Variants in WDR48 observed in about 807,000 individuals in gnomAD.
WDR48 encodes the protein WD repeat-containing protein 48.
WDR48 carries 22 observed loss-of-function variants against 94.0 expected under a neutral mutation model. That is an observed-to-expected ratio of 0.23 (90% CI 0.17 to 0.33). The LOEUF (loss-of-function observed/expected upper bound fraction) is 0.33. Ranked by LOEUF, WDR48 falls within the 10% of genes least tolerant of loss-of-function variation. WDR48 has a pLI of 1.00. For synonymous variants in WDR48, 278 were observed against 280.5 expected (o/e 0.99, Z 0.09); for missense variants, 541 against 813.8 (o/e 0.66, Z 4.08).
chr3:39,072,707 A>G lies in WDR48; in HGVS notation c.673-2019A>G, dbSNP rs147877354. On this transcript the variant is annotated intron_variant, in intron 7 of 18. Transcript: ENST00000302313. ...ATAATGAACATCTTCATGTTTATCT[A>G]TGTTTTTCTAGTGGAAGGATGGAGG... Among the ~76,000 whole-genome samples the G allele has an allele frequency of 1.6e-4, 24 of 152,268 alleles. No homozygotes were observed. In the East Asian group the frequency reaches 3.7e-3, roughly 23 times the overall value.
chr3:39,082,062 T>C (rs577200957), intron 11 of WDR48, among the ~76,000 whole-genome samples: 2 of 152,294 alleles, frequency 1.3e-5, no homozygotes, highest in African/African-American at 4.8e-5. Context: ...CTACGGAATA[T>C]GCTAGGGAAC....
At chr3:39,079,425 C>T (rs1243137446) in intron 10 of WDR48, among the ~76,000 whole-genome samples, 4 of 152,136 alleles carry the variant, frequency 2.6e-5, no homozygotes, top group African/African-American at 9.7e-5. Flanking sequence ...AGCTGTTGTC[C>T]CTCAACAATT....
Position 39,066,558 on chromosome 3 carries a change from T to G in WDR48, c.279T>G (p.Ala93=). Residue 93 remains alanine, a synonymous_variant, in exon 4 of 19, where the codon GCT becomes GCG. Coordinates refer to ENST00000302313, the MANE Select transcript of WDR48 (RefSeq NM_020839.4). ...CTTTGCTTCTTCTAGTAATATCTGC[T>G]TCTTCTGACACGACAGTAAAAGTAT... ...LCCNGKTLIS[A]SSDTTVKVWN... 1 of 1,613,698 alleles carries G rather than the reference T, an allele frequency of 6.2e-7. No individual in the cohort carries two copies. The highest frequency in any genetic ancestry group is 8.5e-7 in the Non-Finnish European group (1 of 1,179,852).
intron 1 of WDR48, among the ~76,000 whole-genome samples, chr3:39,054,364 G>T (rs35795531): frequency 0.14 from 21,535 of 152,096 alleles, 1,766 homozygotes; most frequent in African/African-American, 0.22. Flanking sequence ...CATCATCCCT[G>T]GCTTCTACCA....
intron 17 of WDR48, among the ~76,000 whole-genome samples, chr3:39,092,479 C>T (rs939105319): frequency 6.6e-6 from 1 of 152,128 alleles, no homozygotes; most frequent in Admixed American, 6.5e-5. Context: ...ACCCATGCAC[C>T]TGCAGCATGG....
At chr3:39,088,438 T>C (rs2034924073) in intron 15 of WDR48, among the ~76,000 whole-genome samples, 1 of 152,216 alleles carries the variant, frequency 6.6e-6, no homozygotes, top group Non-Finnish European at 1.5e-5. Flanking sequence ...GAAACTCTAG[T>C]GTTCGAATGA....
At chr3:39,060,419 C>CATATATATAT (rs200990149) in intron 1 of WDR48, among the ~76,000 whole-genome samples, 6 of 147,846 alleles carry the variant, frequency 4.1e-5, no homozygotes, top group African/African-American at 9.9e-5. Flanking sequence ...TGTGTGTGTG[C>CATATATATAT]ATATATATAT....
chr3:39,074,662 G>T, intron 7 of WDR48, 64 bp from the exon 8 acceptor site: 1 of 1,530,382 alleles, frequency 6.5e-7, no homozygotes, highest in Non-Finnish European at 9.0e-7. Flanking sequence ...GAGAAGTCAA[G>T]TGCAAAGCAC....
At chr3:39,060,088 A>G (rs2033156784) in intron 1 of WDR48, among the ~76,000 whole-genome samples, 1 of 152,194 alleles carries the variant, frequency 6.6e-6, no homozygotes, top group African/African-American at 2.4e-5. Flanking sequence ...ACATTGTGAT[A>G]AAATTCACAT....
chr3:39,088,265 G>C lies in WDR48; in HGVS notation c.1580+32G>C, dbSNP rs1349777323. The C allele has an allele frequency of 1.9e-6, 3 of 1,601,120 alleles. No individual in the cohort carries two copies. In the African/African-American group the frequency reaches 4.0e-5, roughly 21 times the overall value. ...GTAAGAAAGACAAGAGGTTCTGCCTGAGAAGGTATCCCATTTGCTAAGAAG... is the reference window on the plus strand; with the variant it reads ...GTAAGAAAGACAAGAGGTTCTGCCTCAGAAGGTATCCCATTTGCTAAGAAG... On this transcript the variant is annotated intron_variant, in intron 15 of 18. Coordinates refer to ENST00000302313, the MANE Select transcript of WDR48 (RefSeq NM_020839.4).
rs1305594888 is a variant in WDR48 at position 39,084,752 on chromosome 3, G to A, written c.1378+11G>A. The A allele has an allele frequency of 1.9e-6, 3 of 1,609,130 alleles. No individual in the cohort carries two copies. The highest frequency in any genetic ancestry group is 4.5e-5 in the East Asian group (2 of 44,790). On this transcript the variant is annotated intron_variant, in intron 13 of 18. Coordinates refer to ENST00000302313, the MANE Select transcript of WDR48 (RefSeq NM_020839.4). ...GGTCAGATCCAAAATGTGAGTTTAA[G>A]TGTCCTTCATTTTTTTCCTCCCTTC...
At chr3:39,053,137 C>T (rs779702150) in intron 1 of WDR48, among the ~76,000 whole-genome samples, 1 of 152,204 alleles carries the variant, frequency 6.6e-6, no homozygotes, top group Non-Finnish European at 1.5e-5. Flanking sequence ...CAGTTTGGTG[C>T]ATTTATTCAT....
chr3:39,079,475 CATA>C (rs1165596690), intron 10 of WDR48, among the ~76,000 whole-genome samples: 1 of 152,058 alleles, frequency 6.6e-6, no homozygotes, highest in African/African-American at 2.4e-5. Flanking sequence ...CCCTTTAATC[CATA>C]ATGTATTATT....
At chr3:39,069,979 T>C (rs1041792767) in intron 7 of WDR48, among the ~76,000 whole-genome samples, 2 of 152,246 alleles carry the variant, frequency 1.3e-5, no homozygotes, top group African/African-American at 2.4e-5. Flanking sequence ...GATGAGTATA[T>C]GCATTTATGG....
intron 11 of WDR48, among the ~76,000 whole-genome samples, chr3:39,082,251 T>C (rs2034573974): frequency 6.6e-6 from 1 of 151,598 alleles, no homozygotes. Context: ...ATTAGGAAAA[T>C]ATTTAGGCCT....
chr3:39,066,778 T>C lies in WDR48; in HGVS notation c.384T>C (p.Asp128=). ...TAAAGGCCTTAGCATATGCCAAGGA[T>C]AAAGAACTAGTAGCATCAGCTGGGT... ...DYVKALAYAK[D]KELVASAGLD... is the part of the protein sequence containing the mutation. The change falls in exon 5 of 19, where the codon GAT becomes GAC. Residue 128 remains aspartate, a synonymous_variant. Coordinates refer to ENST00000302313, the MANE Select transcript of WDR48 (RefSeq NM_020839.4). 6.2e-7 allele frequency: 1 copy of C among 1,614,042 alleles called. No individual in the cohort carries two copies. The highest frequency in any genetic ancestry group is 8.5e-7 in the Non-Finnish European group (1 of 1,179,932).
At chr3:39,052,168 A>C in intron 1 of WDR48, 95 bp downstream of exon 1, 1 of 1,510,978 alleles carries the variant, frequency 6.6e-7, no homozygotes, top group Non-Finnish European at 9.1e-7. Flanking sequence ...CAGCTGGGGT[A>C]GCGGCATGGG....
intron 6 of WDR48, 98 bp downstream of exon 6, chr3:39,068,957 A>G: frequency 1.1e-6 from 1 of 902,186 alleles, no homozygotes; most frequent in Non-Finnish European, 1.6e-6. Flanking sequence ...TAGCTTCTTT[A>G]TATTTATTTA....
At chr3:39,085,712 T>C in intron 14 of WDR48, 102 bp downstream of exon 14, 2 of 971,132 alleles carry the variant, frequency 2.1e-6, no homozygotes, top group Non-Finnish European at 3.1e-6. Flanking sequence ...AAAATATTTG[T>C]GGTGTACTCA....
Sources: gnomAD v4.1 joint callset for allele counts (sites outside exome capture counted in the v4.1 genomes callset) on GRCh38, gnomAD v4.1.1 for gene constraint, MANE v1.5 for transcripts, NCBI Gene and HGNC (gene_info 2026-07-23, HGNC 2026-07-21) for gene names.